PHACTR2: variants seen among roughly 807,000 people sequenced by gnomAD.
PHACTR2 encodes the protein phosphatase and actin regulator 2, also known as chromosome 6 open reading frame 56.
Under a neutral mutation model 76.0 loss-of-function variants are expected in PHACTR2, and 30 were observed. That is an observed-to-expected ratio of 0.39 (90% confidence interval 0.30 to 0.54). The LOEUF is 0.54. PHACTR2 is among the 20% of genes least tolerant of loss of function. The pLI is 0.61. For missense variants in PHACTR2, 696 were observed against 781.1 expected, an observed-to-expected ratio of 0.89 and a Z score of 1.30; for synonymous variants, 292 against 292.5, an observed-to-expected ratio of 1.00 and a Z score of 0.02.
chr6:143,677,048 T>G (rs2128452008), upstream of PHACTR2, among the ~76,000 whole-genome samples: 1 of 152,028 alleles, frequency 6.6e-6, no homozygotes, highest in African/African-American at 2.4e-5. Context: ...GACCTAAATA[T>G]ATTGCACTTT....
Position 143,755,041 on chromosome 6 carries a change from A to G in PHACTR2, c.454+1129A>G, listed in dbSNP as rs1052631213. 6.6e-6 allele frequency among the ~76,000 whole-genome samples: 1 copy of G among 152,206 alleles called. No individual in the cohort carries two copies. Among genetic ancestry groups the G allele is most frequent in the South Asian group, 2.1e-4 (1 of 4,826 alleles). The stretch of plus-strand genomic sequence containing the variant: ...ATTATTTGCATATATATTAGCCTTT[A>G]AAAGTTTTAGAAGCCTGTGTAAATA... On this transcript the variant is annotated intron_variant, in intron 4 of 12. Transcript: ENST00000440869. The surrounding 1 kb of genome is among the most constrained non-coding windows in gnomAD (Gnocchi z 5.2).
intron 1 of PHACTR2, among the ~76,000 whole-genome samples, chr6:143,703,792 A>G (rs2128459052): frequency 6.6e-6 from 1 of 152,252 alleles, no homozygotes; most frequent in Middle Eastern, 3.4e-3. Flanking sequence ...AAATTCTATT[A>G]TTTTCAGATT....
In PHACTR2 at chr6:143,819,560, G is replaced by T. The variant is rs1776368984; in HGVS notation, c.1923-4114G>T. ...TGCTGGTAGCCTGGCTCAGTCCAAG[G>T]CTGGAGGCCTGAGAGCTCGAGGCAG... is the stretch of plus-strand genomic sequence containing the variant. On this transcript the variant is annotated intron_variant, in intron 12 of 12. Transcript: ENST00000440869. The surrounding 1 kb of genome is among the most constrained non-coding windows in gnomAD (Gnocchi z 5.0). 6.6e-6 allele frequency among the ~76,000 whole-genome samples: 1 copy of T among 152,192 alleles called. No homozygotes were observed. Among genetic ancestry groups the T allele is most frequent in the African/African-American group, 2.4e-5 (1 of 41,444 alleles).
At chr6:143,790,241 A>G (rs1029142860) in intron 11 of PHACTR2, among the ~76,000 whole-genome samples, 39 of 152,310 alleles carry the variant, frequency 2.6e-4, no homozygotes, top group African/African-American at 9.4e-4. Context: ...TTGGAAAATG[A>G]GATACAGTAT....
chr6:143,691,793 A>G (rs1019490880), intron 1 of PHACTR2, among the ~76,000 whole-genome samples: 4 of 152,242 alleles, frequency 2.6e-5, no homozygotes, highest in African/African-American at 9.6e-5. Flanking sequence ...ACTATAAGAA[A>G]GATTTTTGTA....
chr6:143,642,326 C>T (rs1371262277), intron 1 of PHACTR2, among the ~76,000 whole-genome samples: 2 of 152,120 alleles, frequency 1.3e-5, no homozygotes, highest in Non-Finnish European at 2.9e-5. Flanking sequence ...AAGCACTTCG[C>T]GAACCTAAAA....
rs1776239055 is a variant in PHACTR2 at position 143,813,847 on chromosome 6, T to A, written c.1922+6714T>A. ...TGAGATATTCACATACAGTGACCCT[T>A]GAACAACCTGGGTGTTAGGGGCACT... On this transcript the variant is annotated intron_variant, in intron 12 of 12. Coordinates refer to ENST00000440869, the MANE Select transcript of PHACTR2 (RefSeq NM_001100164.2). Among the ~76,000 whole-genome samples, 3 of 152,132 alleles carry A rather than the reference T, an allele frequency of 2.0e-5. 1 individual carries two copies. The highest frequency in any genetic ancestry group is 2.0e-4 in the Admixed American group (3 of 15,278).
At position 143,652,697 on chromosome 6, in the gene PHACTR2, A is replaced by G. The variant is rs370787098; in HGVS notation, c.13+44375A>G. Among the ~76,000 whole-genome samples, 4 of 152,338 alleles carry G rather than the reference A, an allele frequency of 2.6e-5. No individual in the cohort carries two copies. Among genetic ancestry groups the G allele is most frequent in the South Asian group, 4.1e-4 (2 of 4,828 alleles). ...GTACCATCCTTGAGTAGGCAAGAAG[A>G]GCTGAGATTTCACCAGAAACAGTGA... is the stretch of plus-strand genomic sequence containing the variant. On this transcript the variant is annotated intron_variant, in intron 1 of 11. Coordinates refer to the PHACTR2 transcript ENST00000305766. The surrounding 1 kb of genome is among the most constrained non-coding windows in gnomAD (Gnocchi z 4.5).
chr6:143,808,127 ATTTTTTTTTTT>A (rs35192258), intron 12 of PHACTR2, among the ~76,000 whole-genome samples: 58 of 130,406 alleles, frequency 4.4e-4, no homozygotes, highest in Non-Finnish European at 6.0e-4. Context: ...ACAATCCAAA[ATTTTTTTTTTT>A]TTTTTTTTTG....
At position 143,774,328 on chromosome 6, in the gene PHACTR2, T is replaced by C; in HGVS notation, c.1589+113T>C. ...TCCTTATGTACAGATACATCTGGCCTACTGGGTCTTTTAAAGTTGGTCTTG... is the reference window on the plus strand; with the variant it reads ...TCCTTATGTACAGATACATCTGGCCCACTGGGTCTTTTAAAGTTGGTCTTG... On this transcript the variant is annotated intron_variant, in intron 8 of 12. Transcript: ENST00000440869. The surrounding 1 kb of genome is among the most constrained non-coding windows in gnomAD (Gnocchi z 5.4). 1 of 724,140 alleles carries C rather than the reference T, an allele frequency of 1.4e-6. No individual in the cohort carries two copies. The allele number at this position is 724,140 out of a possible 1,614,324, so 44.9% of individuals were successfully genotyped here.
In PHACTR2 at chr6:143,568,348, A is replaced by G. The variant is rs1388435284; in HGVS notation, c.217+31141A>G. On this transcript the variant is annotated intron_variant, in intron 1 of 11. Transcript: ENST00000367584. ...GTTATAGGGCCCTTGTAAACTCTAA[A>G]TTAATATTCAAAAATAAGGTGTTAA... Among the ~76,000 whole-genome samples the G allele has an allele frequency of 2.6e-5, 4 of 152,206 alleles. No homozygotes were observed. The East Asian group carries it at 5.8e-4, about 22-fold the overall frequency.
rs1353722612 is a variant in PHACTR2 at position 143,751,257 on chromosome 6, C to T, written c.295+2192C>T. ...TGACCCCATCCCACCATATCCCATA[C>T]TCTCCCGGCTATTGTTATTTTTCCT... On this transcript the variant is annotated intron_variant, in intron 3 of 12. Transcript: ENST00000440869. This position sits in a 1 kb window ranked among gnomAD's most constrained non-coding sequence, Gnocchi z 5.7. Among the ~76,000 whole-genome samples, 1 of 152,184 alleles carries T rather than the reference C, an allele frequency of 6.6e-6. No homozygotes were observed. The highest frequency in any genetic ancestry group is 2.4e-5 in the African/African-American group (1 of 41,452).
rs1262472023 is a variant in PHACTR2, at chr6:143,811,936, G to GA, written c.1922+4805dup. Among the ~76,000 whole-genome samples the GA allele has an allele frequency of 2.6e-5, 4 of 152,158 alleles. No individual in the cohort carries two copies. The highest frequency in any genetic ancestry group is 5.9e-5 in the Non-Finnish European group (4 of 68,026). ...CTCTTGGGGAAAATAAACACCTTATGAATCATTACCTTGCCCTTTCAATGC... is the reference window on the plus strand; with the variant it reads ...CTCTTGGGGAAAATAAACACCTTATGAAATCATTACCTTGCCCTTTCAATGC... On this transcript the variant is annotated intron_variant, in intron 12 of 12. Coordinates refer to ENST00000440869, the MANE Select transcript of PHACTR2 (RefSeq NM_001100164.2). The surrounding 1 kb of genome is among the most constrained non-coding windows in gnomAD (Gnocchi z 4.1).
At chr6:143,798,520 A>G (rs957007782) in intron 11 of PHACTR2, among the ~76,000 whole-genome samples, 2 of 152,058 alleles carry the variant, frequency 1.3e-5, no homozygotes, top group African/African-American at 4.8e-5. Flanking sequence ...ATTCAGTATG[A>G]TATTGTCTGT....
In PHACTR2 at chr6:143,771,170, A is replaced by G. The variant is rs572966147; in HGVS notation, c.1233-1088A>G. ...TATATATATATATGTATATATATATATATGTATATATATATATATGTGTGT... is the reference window on the plus strand; with the variant it reads ...TATATATATATATGTATATATATATGTATGTATATATATATATATGTGTGT... On this transcript the variant is annotated intron_variant, in intron 6 of 12. Transcript: ENST00000440869. Among the ~76,000 whole-genome samples, 266 of 27,382 alleles carry G rather than the reference A, an allele frequency of 9.7e-3. 5 individuals carry two copies. The highest frequency in any genetic ancestry group is 0.023 in the African/African-American group (167 of 7,318). The allele number at this position is 27,382 out of a possible 152,430, so 18.0% of individuals were successfully genotyped here.
At position 143,653,941 on chromosome 6, in the gene PHACTR2, T is replaced by G. The variant is rs985080474; in HGVS notation, c.13+45619T>G. Among the ~76,000 whole-genome samples, 2 of 152,154 alleles carry G rather than the reference T, an allele frequency of 1.3e-5. No individual in the cohort carries two copies. The highest frequency in any genetic ancestry group is 4.8e-5 in the African/African-American group (2 of 41,432). On this transcript the variant is annotated intron_variant, in intron 1 of 11. Transcript: ENST00000305766. The surrounding 1 kb of genome is among the most constrained non-coding windows in gnomAD (Gnocchi z 4.9). ...TAAAGTGAAAAGACTACCCAGAGAA[T>G]GGGAGGAAAGTTTTGTAATGTTGTA...
rs3924969 is a variant in PHACTR2 at position 143,658,262 on chromosome 6, C to G, written c.13+49940C>G. 0.17 allele frequency among the ~76,000 whole-genome samples: 25,981 copies of G among 152,112 alleles called. 2,381 individuals carry two copies. The highest frequency in any genetic ancestry group is 0.35 in the East Asian group (1,801 of 5,174). ...TGTGATTTTAAAATAAATTTGGGTA[C>G]AAATATAGAAATACACCTTCAAATT... On this transcript the variant is annotated intron_variant, in intron 1 of 11. Transcript: ENST00000305766. The surrounding 1 kb of genome is among the most constrained non-coding windows in gnomAD (Gnocchi z 4.1).
chr6:143,605,616 A>T (rs1195988386), upstream of PHACTR2, among the ~76,000 whole-genome samples: 9 of 152,224 alleles, frequency 5.9e-5, no homozygotes, highest in Non-Finnish European at 2.9e-5. The surrounding 1 kb of genome is among the most constrained non-coding windows in gnomAD (Gnocchi z 5.0). Context: ...GGTCCTCGGC[A>T]ATGAATGCAG....
intron 1 of PHACTR2, among the ~76,000 whole-genome samples, chr6:143,638,562 TACACACACACACATACACACACACAC>T (rs1286234128): frequency 2.0e-5 from 2 of 98,494 alleles, no homozygotes; most frequent in African/African-American, 3.4e-5. Context: ...AAAAAAGTAT[TACACACACACACATACACACACACAC>T]ACACACACAC....
Sources: allele counts gnomAD v4.1 joint callset (sites outside exome capture counted in the v4.1 genomes callset), GRCh38; gene constraint gnomAD v4.1.1; non-coding constraint Gnocchi (gnomAD v3.1); transcripts MANE v1.5; gene names NCBI Gene and HGNC (gene_info 2026-07-23, HGNC 2026-07-21).